The following NTRK3 variants were observed in gnomAD, a reference collection of about 807,000 sequenced individuals.
NTRK3 encodes NT-3 growth factor receptor.
Under a neutral mutation model 91.7 loss-of-function variants are expected in NTRK3, and 24 were observed. The observed-to-expected ratio is 0.26, with a 90% CI of 0.19 to 0.37. The LOEUF (loss-of-function observed/expected upper bound fraction) is 0.37. Ranked by LOEUF, NTRK3 falls within the 10% of genes least tolerant of loss-of-function variation. The pLI, the probability that NTRK3 is intolerant of heterozygous loss-of-function variation, is 1.00. For synonymous variants in NTRK3, 483 were observed against 404.0 expected (o/e 1.20, Z -2.34); for missense variants, 880 against 1,068.9 (o/e 0.82, Z 2.46).
chr15:88,167,530 G>C (rs2045093403), intron 5 of NTRK3, among the ~76,000 whole-genome samples: 1 of 152,182 alleles, frequency 6.6e-6, no homozygotes, highest in Non-Finnish European at 1.5e-5. Flanking sequence ...GATGGTAATT[G>C]CTAGCTACTT....
At chr15:88,236,748 A>G (rs1205256641) in intron 3 of NTRK3, among the ~76,000 whole-genome samples, 1 of 149,488 alleles carries the variant, frequency 6.7e-6, no homozygotes, top group African/African-American at 2.5e-5. Flanking sequence ...AACAACTTGT[A>G]CTCCAAAAGC....
chr15:88,226,344 A>ACTGGATGGTGTGAGTG (rs2050673497), intron 3 of NTRK3, among the ~76,000 whole-genome samples: 1 of 152,166 alleles, frequency 6.6e-6, no homozygotes, highest in Admixed American at 6.5e-5. Context: ...CCCTCAGGGT[A>ACTGGATGGTGTGAGTG]GATCCCAGGA....
At chr15:88,059,852 C>G (rs755388986) in intron 13 of NTRK3, among the ~76,000 whole-genome samples, 18 of 152,166 alleles carry the variant, frequency 1.2e-4, no homozygotes, top group Non-Finnish European at 2.4e-4. Context: ...AAGCCCTAAC[C>G]CAATGTCACT....
At chr15:88,088,284 T>C (rs190702609) in intron 13 of NTRK3, among the ~76,000 whole-genome samples, 23 of 152,332 alleles carry the variant, frequency 1.5e-4, no homozygotes, top group African/African-American at 3.8e-4. Flanking sequence ...TCAGCTCCTA[T>C]GTTTAACATA....
At chr15:87,897,053 ATC>A (rs1264487956) in intron 17 of NTRK3, among the ~76,000 whole-genome samples, 1 of 152,156 alleles carries the variant, frequency 6.6e-6, no homozygotes, top group Non-Finnish European at 1.5e-5. Context: ...ATTTAGCAGA[ATC>A]TCAGTGGAAC....
chr15:87,908,261 C>T (rs1042443590), intron 17 of NTRK3, among the ~76,000 whole-genome samples: 1 of 152,146 alleles, frequency 6.6e-6, no homozygotes, highest in Non-Finnish European at 1.5e-5. Context: ...TTATGGCCCG[C>T]CACCCCCCAC....
rs2141515103 is a variant in NTRK3 at position 87,885,685 on chromosome 15, G to C, written c.2134-5257C>G. 2 of 1,389,122 alleles carry C rather than the reference G, an allele frequency of 1.4e-6. No homozygotes were observed. Among genetic ancestry groups the C allele is most frequent in the Non-Finnish European group, 1.9e-6 (2 of 1,031,620 alleles). The allele number at this position is 1,389,122 out of a possible 1,614,324, so 86.0% of individuals were successfully genotyped here. A position where few individuals can be genotyped will look rare whatever the true frequency, so the allele number is the denominator to read the frequency against. On this transcript the variant is annotated intron_variant, in intron 17 of 18. Transcript: ENST00000394480. The stretch of plus-strand genomic sequence containing the variant: ...CTATTCATTAAAAAAAATACGCTTA[G>C]ATACCTACCTCACACCATATACAAA...
Position 88,044,254 on chromosome 15 carries a change from C to CTTTTTTTT in NTRK3, c.1397-11217_1397-11210dup, listed in dbSNP as rs1181028004. Among the ~76,000 whole-genome samples, 47 of 78,504 alleles carry CTTTTTTTT rather than the reference C, an allele frequency of 6.0e-4. 1 individual carries two copies. The highest frequency in any genetic ancestry group is 7.2e-4 in the Non-Finnish European group (31 of 43,004). The allele number at this position is 78,504 out of a possible 152,430, so 51.5% of individuals were successfully genotyped here. ...GCTGTGGGATTCCCAAGTCTATGTTCTTTTTTTTTTTTTTTTTTTTTTTTG... is the reference window on the plus strand; with the variant it reads ...GCTGTGGGATTCCCAAGTCTATGTTCTTTTTTTTTTTTTTTTTTTTTTTTTTTTTTTTG... On this transcript the variant is annotated intron_variant, in intron 13 of 18. Coordinates refer to ENST00000394480, the Ensembl canonical transcript of NTRK3.
intron 14 of NTRK3, among the ~76,000 whole-genome samples, chr15:87,989,763 C>T (rs2075141765): frequency 6.6e-6 from 1 of 151,170 alleles, no homozygotes; most frequent in South Asian, 2.1e-4. Flanking sequence ...CACACTACCA[C>T]ACTTGGCTAA....
At chr15:87,877,271 G>A in intron 18 of NTRK3, 151 bp from the exon 20 acceptor site, 1 of 814,426 alleles carries the variant, frequency 1.2e-6, no homozygotes, top group Non-Finnish European at 2.0e-6. Context: ...GCTGTATACA[G>A]CACTGGTATA....
intron 17 of NTRK3, among the ~76,000 whole-genome samples, chr15:87,896,052 C>T (rs1327014351): frequency 6.6e-6 from 1 of 152,124 alleles, no homozygotes; most frequent in African/African-American, 2.4e-5. Flanking sequence ...ATGTCTCATG[C>T]CTCCCTAAAA....
intron 5 of NTRK3, among the ~76,000 whole-genome samples, chr15:88,161,818 T>A (rs1470395692): frequency 2.0e-5 from 3 of 151,966 alleles, no homozygotes; most frequent in Admixed American, 6.6e-5. Flanking sequence ...TGCTCATGAG[T>A]CCCACAGAGG....
intron 5 of NTRK3, among the ~76,000 whole-genome samples, chr15:88,179,040 C>T (rs1597791356): frequency 6.6e-6 from 1 of 152,304 alleles, no homozygotes. Context: ...TAGGAGAACT[C>T]AGTTATAACT....
chr15:87,957,597 A>G (rs1456215770), intron 14 of NTRK3, among the ~76,000 whole-genome samples: 3 of 151,762 alleles, frequency 2.0e-5, no homozygotes, highest in Non-Finnish European at 2.9e-5. Flanking sequence ...CTCTTGGAAA[A>G]TAGAGTGGCT....
chr15:87,961,374 A>T (rs1464955178), intron 14 of NTRK3, among the ~76,000 whole-genome samples: 1 of 152,116 alleles, frequency 6.6e-6, no homozygotes, highest in Non-Finnish European at 1.5e-5. Context: ...TCCCTAAAAA[A>T]CTCAAGCTAG....
intron 17 of NTRK3, among the ~76,000 whole-genome samples, chr15:87,902,458 G>A (rs139152333): frequency 3.7e-4 from 57 of 152,248 alleles, no homozygotes; most frequent in Middle Eastern, 3.4e-3. Context: ...TCTATTTCCC[G>A]TTAACATCTC....
At chr15:88,208,791 CT>C (rs2049001744) in intron 3 of NTRK3, among the ~76,000 whole-genome samples, 1 of 152,196 alleles carries the variant, frequency 6.6e-6, no homozygotes, top group Non-Finnish European at 1.5e-5. Context: ...CCTAGGGAAC[CT>C]TTTGAAAATG....
At chr15:87,889,728 C>A (rs2065753166) in intron 17 of NTRK3, among the ~76,000 whole-genome samples, 1 of 152,046 alleles carries the variant, frequency 6.6e-6, no homozygotes, top group Non-Finnish European at 1.5e-5. Context: ...CTGACTTAGA[C>A]TCAAAGGGTA....
chr15:88,128,967 G>A (rs976299749), intron 10 of NTRK3, among the ~76,000 whole-genome samples: 1 of 152,170 alleles, frequency 6.6e-6, no homozygotes, highest in African/African-American at 2.4e-5. Context: ...GGTTTCAAGG[G>A]AGGTGGCCCA....
Sources: allele counts gnomAD v4.1 joint callset (sites outside exome capture counted in the v4.1 genomes callset), GRCh38; gene constraint gnomAD v4.1.1; transcripts MANE v1.5; gene names NCBI Gene and HGNC (gene_info 2026-07-23, HGNC 2026-07-21).